The following ZNF843 variants were observed in gnomAD, a reference collection of about 807,000 sequenced individuals.
ZNF843 encodes the protein zinc finger protein 843.
For missense variants in ZNF843, 482 were observed against 469.4 expected (o/e 1.03, Z -0.25); for synonymous variants, 185 against 207.7 (o/e 0.89, Z 0.94).
rs1201926692 is a variant in ZNF843 at position 31,435,762 on chromosome 16, G to A, written c.*41C>T. 3 of 1,435,072 alleles carry A rather than the reference G, an allele frequency of 2.1e-6. No homozygotes were observed. The highest frequency in any genetic ancestry group is 2.7e-6 in the Non-Finnish European group (3 of 1,091,236). The allele number at this position is 1,435,072 out of a possible 1,614,324, so 88.9% of individuals were successfully genotyped here. A position where few individuals can be genotyped will look rare whatever the true frequency, so the allele number is the denominator to read the frequency against. On this transcript the variant is annotated 3_prime_UTR_variant, in exon 2 of 2. Coordinates refer to ENST00000315678, the MANE Select transcript of ZNF843 (RefSeq NM_001136509.3). ...CATCTCAGATCCACAGTCCACCGGC[G>A]GCTGCAACAATTCCACCCAGGGCTG...
In ZNF843 at chr16:31,436,607, TG is replaced by T. The variant is rs1320690306; in HGVS notation, c.242del (p.Pro81GlnfsTer334). The part of the protein sequence containing the change: ...LLWPLQPHQA[P>X]ASPLGRSHSS... ...AATGGCTTCTCCCGAGTGGACTCGC[TG>T]GTGCTTGATGAGGTTGGAGCGGCCA... On this transcript the variant is annotated frameshift_variant, in exon 2 of 2. Coordinates refer to ENST00000315678, the MANE Select transcript of ZNF843 (RefSeq NM_001136509.3). LOFTEE classifies it low-confidence loss of function (END_TRUNC). 1.5e-5 allele frequency: 23 copies of T among 1,551,438 alleles called. No homozygotes were observed. The South Asian group carries it at 2.6e-4, about 18-fold the overall frequency.
At position 31,436,019 on chromosome 16, in the gene ZNF843, C is replaced by T. The variant is rs1420008435; in HGVS notation, c.831G>A (p.Arg277=). 6.5e-7 allele frequency: 1 copy of T among 1,527,476 alleles called. No homozygotes were observed. The highest frequency in any genetic ancestry group is 1.2e-5 in the South Asian group (1 of 80,106). 94.6% of individuals were successfully genotyped at this position (1,527,476 alleles called of 1,614,324 possible). A position where few individuals can be genotyped will look rare whatever the true frequency, so the allele number is the denominator to read the frequency against. ...MGPRSCASAG[R]DSREAVQAPG... is the part of the protein sequence containing the mutation. ...GGGCCTGAACCGCCTCCCGCGAGTC[C>T]CGTCCCGCGCTCGCACAGCTTCTGG... is the stretch of plus-strand genomic sequence containing the variant. Residue 277 remains arginine, a synonymous_variant, in exon 2 of 2, where the codon CGG becomes CGA. Transcript: ENST00000315678.
intron 1 of ZNF843, among the ~76,000 whole-genome samples, 169 bp from the exon 2 acceptor site, chr16:31,437,353 G>T (rs1402317347): frequency 7.4e-6 from 1 of 135,000 alleles, no homozygotes; most frequent in Non-Finnish European, 1.5e-5. Flanking sequence ...GCCCAGGCTG[G>T]AATGCAGTAG....
intron 1 of ZNF843, among the ~76,000 whole-genome samples, chr16:31,438,902 C>CA (rs1057124973): frequency 4.1e-5 from 6 of 144,692 alleles, no homozygotes; most frequent in African/African-American, 1.5e-4. Flanking sequence ...ATCCCAAGGA[C>CA]AAAAAAATAA....
intron 1 of ZNF843, among the ~76,000 whole-genome samples, chr16:31,442,305 A>T (rs1179351667): frequency 7.0e-5 from 1 of 14,194 alleles, no homozygotes; most frequent in South Asian, 1.0e-3. Context: ...GCTCGATTTT[A>T]TTTATTTATT....
At chr16:31,442,482 G>A (rs546888659) in intron 1 of ZNF843, among the ~76,000 whole-genome samples, 154 bp downstream of exon 1, 9 of 152,220 alleles carry the variant, frequency 5.9e-5, no homozygotes, top group African/African-American at 1.7e-4. Flanking sequence ...CACCACGCCC[G>A]GCTAATTTTT....
rs1404349471 is a variant in ZNF843 at position 31,437,130 on chromosome 16, C to G, written c.-281G>C. 1 of 382,206 alleles carries G rather than the reference C, an allele frequency of 2.6e-6. No homozygotes were observed. Among genetic ancestry groups the G allele is most frequent in the Admixed American group, 4.3e-5 (1 of 23,458 alleles). The allele number at this position is 382,206 out of a possible 1,614,324, so 23.7% of individuals were successfully genotyped here. On this transcript the variant is annotated 5_prime_UTR_variant, in exon 2 of 2. Coordinates refer to ENST00000315678, the MANE Select transcript of ZNF843 (RefSeq NM_001136509.3). ...CTCTTGGATACGCTGGTCCTCACTG[C>G]CGTGTCCAGTTCCTGCGGAAGGAAA...
chr16:31,442,230 G>T (rs1287244142), intron 1 of ZNF843, among the ~76,000 whole-genome samples: 1 of 152,268 alleles, frequency 6.6e-6, no homozygotes, highest in Non-Finnish European at 1.5e-5. Flanking sequence ...GCCTGGCGCG[G>T]GGTCGAGGGG....
At chr16:31,439,178 T>G (rs527472106) in intron 1 of ZNF843, among the ~76,000 whole-genome samples, 1 of 152,304 alleles carries the variant, frequency 6.6e-6, no homozygotes, top group South Asian at 2.1e-4. Context: ...TGTGCTATCA[T>G]CAGTCACCCG....
At chr16:31,438,009 T>G (rs1206034049) in intron 1 of ZNF843, among the ~76,000 whole-genome samples, 1 of 152,158 alleles carries the variant, frequency 6.6e-6, no homozygotes, top group African/African-American at 2.4e-5. Flanking sequence ...TATTACCATC[T>G]TTATCCTGAA....
intron 1 of ZNF843, among the ~76,000 whole-genome samples, chr16:31,438,418 A>G (rs1468058387): frequency 6.6e-6 from 1 of 152,244 alleles, no homozygotes; most frequent in Non-Finnish European, 1.5e-5. Flanking sequence ...ACTAGAAAGT[A>G]TTCCAGTGGC....
chr16:31,442,035 T>C (rs2082202769), intron 1 of ZNF843, among the ~76,000 whole-genome samples: 1 of 152,168 alleles, frequency 6.6e-6, no homozygotes, highest in Admixed American at 6.5e-5. Flanking sequence ...GGGAGGCGGC[T>C]GAGATTTTAA....
chr16:31,435,807 T>A lies in ZNF843; in HGVS notation c.1043A>T (p.His348Leu), dbSNP rs964698936. 6.9e-7 allele frequency: 1 copy of A among 1,451,720 alleles called. No homozygotes were observed. The allele number at this position is 1,451,720 out of a possible 1,614,324, so 89.9% of individuals were successfully genotyped here. A position where few individuals can be genotyped will look rare whatever the true frequency, so the allele number is the denominator to read the frequency against. ...ASSRRSNLAR[H>L] ...GGGCTGCAGCACGCTGGTTCTTCAG[T>A]GTCGGGCCAGGTTGGACCTCCGGCT... Residue 348 changes from histidine (H) to leucine (L), a missense_variant, in exon 2 of 2, where the codon CAC becomes CTC. Coordinates refer to ENST00000315678, the MANE Select transcript of ZNF843 (RefSeq NM_001136509.3).
chr16:31,438,550 T>C (rs1238336375), intron 1 of ZNF843, among the ~76,000 whole-genome samples: 2 of 150,448 alleles, frequency 1.3e-5, no homozygotes, highest in African/African-American at 4.9e-5. Flanking sequence ...GAGCCCTGGC[T>C]TGATCCTTGG....
chr16:31,435,661 G>A lies in ZNF843; in HGVS notation c.*142C>T. The A allele has an allele frequency of 1.3e-6, 1 of 760,826 alleles. No individual in the cohort carries two copies. Among genetic ancestry groups the A allele is most frequent in the South Asian group, 3.2e-5 (1 of 31,426 alleles). 47.1% of individuals were successfully genotyped at this position (760,826 alleles called of 1,614,324 possible). On this transcript the variant is annotated 3_prime_UTR_variant, in exon 2 of 2. Transcript: ENST00000315678. Reference sequence around the variant, plus strand: ...CAGGGGAAAAAAAACAAACAAAATAGCCCCCAGCACTTCTGAGAAAGATCT... The same window carrying A: ...CAGGGGAAAAAAAACAAACAAAATAACCCCCAGCACTTCTGAGAAAGATCT...
At chr16:31,439,391 A>G (rs1251618750) in intron 1 of ZNF843, among the ~76,000 whole-genome samples, 1 of 152,258 alleles carries the variant, frequency 6.6e-6, no homozygotes, top group Admixed American at 6.5e-5. Context: ...TTCTACTCTT[A>G]GGATTTACTC....
chr16:31,437,088 C>T lies in ZNF843; in HGVS notation c.-239G>A. On this transcript the variant is annotated 5_prime_UTR_variant, in exon 2 of 2. Transcript: ENST00000315678. ...TCTCGGGCATGTCCCTGGGTGTTCC[C>T]CATCACTAAGTCCATCCTCTTGGAT... 2.0e-6 allele frequency: 1 copy of T among 506,242 alleles called. No individual in the cohort carries two copies. The highest frequency in any genetic ancestry group is 3.6e-6 in the Non-Finnish European group (1 of 277,840). 31.4% of individuals were successfully genotyped at this position (506,242 alleles called of 1,614,324 possible). A position where few individuals can be genotyped will look rare whatever the true frequency, so the allele number is the denominator to read the frequency against.
chr16:31,437,996 G>A (rs1249012786), intron 1 of ZNF843, among the ~76,000 whole-genome samples: 2 of 152,048 alleles, frequency 1.3e-5, no homozygotes, highest in African/African-American at 4.8e-5. Flanking sequence ...CAGTAGTCTT[G>A]GATATTACCA....
At chr16:31,437,297 CT>C (rs59710664) in intron 1 of ZNF843, 113 bp from the exon 2 acceptor site, 25,985 of 82,054 alleles carry the variant, frequency 0.32, 3,580 homozygotes, top group Middle Eastern at 0.49. Context: ...TTCTTTCCTT[CT>C]TTTTTTTTTT....
Sources: allele counts gnomAD v4.1 joint callset (sites outside exome capture counted in the v4.1 genomes callset), GRCh38; gene constraint gnomAD v4.1.1; transcripts MANE v1.5; gene names NCBI Gene and HGNC (gene_info 2026-07-23, HGNC 2026-07-21).